The following ITSN2 variants were observed in gnomAD, a reference collection of about 807,000 sequenced individuals.
The protein encoded by ITSN2 is intersectin 2, also known as intersectin-2.
Under a neutral mutation model 243.7 loss-of-function variants are expected in ITSN2, and 156 were observed. The observed-to-expected ratio is 0.64, with a 90% CI of 0.56 to 0.73. ITSN2 has a LOEUF of 0.73. Among genes scored for constraint, ITSN2 ranks in the 30% least tolerant of loss-of-function variants. The pLI is 0.00. For missense variants in ITSN2, 1,801 were observed against 1,996.1 expected (o/e 0.90, Z 1.86); for synonymous variants, 703 against 699.9 (o/e 1.00, Z -0.07).
At chr2:24,317,260 T>C (rs565971306) in intron 2 of ITSN2, among the ~76,000 whole-genome samples, 1 of 152,122 alleles carries the variant, frequency 6.6e-6, no homozygotes, top group Admixed American at 6.6e-5. Context: ...GGTGGGTGCC[T>C]GTAGTCCCAG....
chr2:24,359,493 GCA>G (rs1297558113), intron 1 of ITSN2, among the ~76,000 whole-genome samples: 1 of 152,162 alleles, frequency 6.6e-6, no homozygotes, highest in Non-Finnish European at 1.5e-5. Context: ...TTCAAATAAA[GCA>G]CACTTGCCAT....
chr2:24,241,409 C>T (rs1343086285), intron 29 of ITSN2: 3 of 152,350 alleles, frequency 2.0e-5, no homozygotes, highest in East Asian at 3.8e-4. Context: ...TGATGCAGTA[C>T]CTTCATTAGC....
rs1402546081 is a variant in ITSN2 at position 24,308,733 on chromosome 2, A to G, written c.677T>C (p.Leu226Pro). Reference sequence around the variant, plus strand: ...CCCAGTCTTGGGTGAGTTCCCTGAGAGTGAAGCAGTCGAGGAAGTTGAGCT... The same window carrying G: ...CCCAGTCTTGGGTGAGTTCCCTGAGGGTGAAGCAGTCGAGGAAGTTGAGCT... ...SSSSTSSTAS[L>P]SGNSPKTGTS... is the part of the protein sequence containing the mutation. Residue 226 changes from leucine (L) to proline (P), a missense_variant, in exon 8 of 40, where the codon CTC becomes CCC. By Grantham distance (98) the Leu-to-Pro change is moderately conservative. Coordinates refer to ENST00000355123, the MANE Select transcript of ITSN2 (RefSeq NM_006277.3). The G allele has an allele frequency of 6.8e-7, 1 of 1,475,688 alleles. No homozygotes were observed. Among genetic ancestry groups the G allele is most frequent in the Non-Finnish European group, 9.0e-7 (1 of 1,108,074 alleles). 91.4% of individuals were successfully genotyped at this position (1,475,688 alleles called of 1,614,324 possible).
intron 19 of ITSN2, 29 bp from the exon 20 acceptor site, chr2:24,270,797 C>T: frequency 1.7e-6 from 2 of 1,198,296 alleles, no homozygotes; most frequent in Non-Finnish European, 2.4e-6. Flanking sequence ...TCATTATTTG[C>T]AACTTACATG....
chr2:24,208,367 G>A (rs1262694311), intron 36 of ITSN2, 48 bp from the exon 37 acceptor site: 1 of 1,407,782 alleles, frequency 7.1e-7, no homozygotes, highest in East Asian at 2.3e-5. Context: ...ACCCTCACAG[G>A]TCAGCGTGGA....
Position 24,286,340 on chromosome 2 carries a change from T to C in ITSN2, c.1735A>G (p.Ser579Gly). ...QFSNTPDSGV[S>G]LLHKKSLEKE... ...TCTAATGATTTTTTATGAAGTAAAC[T>C]GACCCCTGAATCTGAAAAACAAACA... is the stretch of plus-strand genomic sequence containing the variant. Residue 579 changes from serine to glycine, a missense_variant, in exon 16 of 40, where the codon AGT (serine) becomes GGT (glycine). Ser to Gly is a moderately conservative substitution (Grantham distance 56). Coordinates refer to ENST00000355123, the MANE Select transcript of ITSN2 (RefSeq NM_006277.3). 1 of 1,611,376 alleles carries C rather than the reference T, an allele frequency of 6.2e-7. No individual in the cohort carries two copies. The highest frequency in any genetic ancestry group is 1.1e-5 in the South Asian group (1 of 90,710).
intron 29 of ITSN2, among the ~76,000 whole-genome samples, chr2:24,235,006 G>A (rs187636160): frequency 1.3e-3 from 194 of 152,192 alleles, no homozygotes; most frequent in Non-Finnish European, 2.0e-3. Flanking sequence ...TTGATTCAAA[G>A]GAAATGAAAA....
chr2:24,291,420 T>C (rs1278701908), intron 15 of ITSN2, among the ~76,000 whole-genome samples: 2 of 151,544 alleles, frequency 1.3e-5, no homozygotes, highest in Admixed American at 1.3e-4. Flanking sequence ...TGAGCCACAG[T>C]GTCCAGCCTA....
intron 24 of ITSN2, among the ~76,000 whole-genome samples, chr2:24,253,726 T>TA (rs1346028116): frequency 6.6e-6 from 1 of 152,244 alleles, no homozygotes; most frequent in Non-Finnish European, 1.5e-5. Flanking sequence ...ACGTAACAGA[T>TA]ACTGAATAAA....
chr2:24,266,958 A>G (rs1676726783), intron 20 of ITSN2, among the ~76,000 whole-genome samples: 1 of 152,018 alleles, frequency 6.6e-6, no homozygotes, highest in Non-Finnish European at 1.5e-5. Flanking sequence ...AATAAATAAA[A>G]TAAAATAGCT....
chr2:24,298,302 C>T (rs568587321), intron 13 of ITSN2, among the ~76,000 whole-genome samples: 7 of 152,274 alleles, frequency 4.6e-5, no homozygotes, highest in East Asian at 1.9e-4. Flanking sequence ...GGACTACAGG[C>T]GCACACCACC....
rs765750056 is a variant in ITSN2, at chr2:24,303,851, T to C, written c.805A>G (p.Arg269Gly). The change falls in exon 9 of 40, where the codon AGA becomes GGA. Residue 269 changes from arginine (R) to glycine (G), a missense_variant. Physicochemically the swap from Arg to Gly is moderately radical, Grantham distance 125. Transcript: ENST00000355123. ...AGATTTGACTGAAGAAGGGCATTTC[T>C]AGCTTGAAAACCTGATTAAGTGGGG... ...MSGYLSGFQARNALLQSNLSQ... is the reference protein window; with the variant it reads ...MSGYLSGFQAGNALLQSNLSQ... 2 of 1,608,916 alleles carry C rather than the reference T, an allele frequency of 1.2e-6. No individual in the cohort carries two copies. The highest frequency in any genetic ancestry group is 1.1e-5 in the South Asian group (1 of 90,978).
intron 2 of ITSN2, among the ~76,000 whole-genome samples, chr2:24,322,190 C>CA (rs1023319029): frequency 6.6e-6 from 1 of 152,188 alleles, no homozygotes; most frequent in Non-Finnish European, 1.5e-5. Context: ...TAATGAAACT[C>CA]ACCCTGTGTC....
chr2:24,357,019 C>T (rs1688510043), intron 1 of ITSN2, among the ~76,000 whole-genome samples: 1 of 152,166 alleles, frequency 6.6e-6, no homozygotes, highest in Non-Finnish European at 1.5e-5. Flanking sequence ...CGCTTTTACA[C>T]TGTTGCTGGG....
chr2:24,280,900 C>T (rs1450200316), intron 17 of ITSN2, among the ~76,000 whole-genome samples: 1 of 152,204 alleles, frequency 6.6e-6, no homozygotes, highest in African/African-American at 2.4e-5. Context: ...TCCATCACTC[C>T]CATTATTACA....
chr2:24,282,020 G>A (rs144929392), intron 17 of ITSN2, among the ~76,000 whole-genome samples: 19 of 152,356 alleles, frequency 1.2e-4, no homozygotes, highest in African/African-American at 4.1e-4. Context: ...AGAGAAAGGC[G>A]GGTCCCTGGC....
intron 20 of ITSN2, among the ~76,000 whole-genome samples, 183 bp downstream of exon 20, chr2:24,270,488 T>C (rs987815367): frequency 6.6e-6 from 1 of 152,230 alleles, no homozygotes; most frequent in East Asian, 1.9e-4. Context: ...GGCTAGAACT[T>C]AGTTAGTAAT....
chr2:24,262,541 T>C (rs757261277), intron 20 of ITSN2, among the ~76,000 whole-genome samples: 1 of 152,214 alleles, frequency 6.6e-6, no homozygotes, highest in African/African-American at 2.4e-5. Context: ...ATCCTCACAG[T>C]GTTTCTCCCT....
At chr2:24,267,704 A>G (rs1191497630) in intron 20 of ITSN2, among the ~76,000 whole-genome samples, 1 of 151,990 alleles carries the variant, frequency 6.6e-6, no homozygotes, top group Non-Finnish European at 1.5e-5. Context: ...ACAGGTGCAC[A>G]CCACCAAGCC....
Sources: allele counts gnomAD v4.1 joint callset (sites outside exome capture counted in the v4.1 genomes callset), GRCh38; gene constraint gnomAD v4.1.1; transcripts MANE v1.5; gene names NCBI Gene and HGNC (gene_info 2026-07-23, HGNC 2026-07-21).